Variants in EEFSEC observed in about 807,000 individuals in gnomAD.
The protein encoded by EEFSEC is eukaryotic elongation factor, selenocysteine-tRNA specific.
In EEFSEC, 43 loss-of-function variants were observed where a neutral mutation model predicts 42.1. The ratio of observed to expected loss-of-function variants is 1.02; its 90% confidence interval spans 0.80 to 1.32. The LOEUF is 1.32. Ranked by LOEUF, EEFSEC falls within the 40% of genes most tolerant of loss-of-function variation. The pLI is 0.00. For missense variants in EEFSEC, 745 were observed against 803.6 expected, an observed-to-expected ratio of 0.93 and a Z score of 0.88; for synonymous variants, 354 against 339.1, an observed-to-expected ratio of 1.04 and a Z score of -0.48.
intron 6 of EEFSEC, among the ~76,000 whole-genome samples, chr3:128,369,803 T>G (rs2067632062): frequency 1.3e-5 from 2 of 152,232 alleles, no homozygotes; most frequent in African/African-American, 4.8e-5. Flanking sequence ...CTTCAACAAT[T>G]GCTCCGTGTT....
intron 4 of EEFSEC, among the ~76,000 whole-genome samples, chr3:128,289,883 C>A (rs957266434): frequency 6.6e-6 from 1 of 152,196 alleles, no homozygotes; most frequent in Non-Finnish European, 1.5e-5. Context: ...ATCCCATAAT[C>A]TTCTTTTGTG....
chr3:128,295,443 TC>T (rs2066692721), intron 4 of EEFSEC, among the ~76,000 whole-genome samples: 1 of 126,244 alleles, frequency 7.9e-6, no homozygotes, highest in African/African-American at 3.1e-5. Context: ...TTTCTGTACT[TC>T]CCCCTACTTT....
intron 5 of EEFSEC, among the ~76,000 whole-genome samples, chr3:128,347,839 G>T (rs1388769628): frequency 6.6e-6 from 1 of 152,076 alleles, no homozygotes; most frequent in African/African-American, 2.4e-5. Context: ...ATGATAGGGT[G>T]GCACTTCAGA....
In EEFSEC at chr3:128,370,733, C is replaced by G. The variant is rs147282446; in HGVS notation, c.1600+12360C>G. 2.6e-5 allele frequency among the ~76,000 whole-genome samples: 4 copies of G among 152,336 alleles called. No individual in the cohort carries two copies. In the South Asian group the frequency reaches 8.3e-4, roughly 32 times the overall value. The stretch of plus-strand genomic sequence containing the variant: ...TGAGCACAGAGGACTGGCTCTAGGC[C>G]CATCCCAGGGGGCACCGTTTGGGTG... On this transcript the variant is annotated intron_variant, in intron 6 of 6. Coordinates refer to ENST00000254730, the MANE Select transcript of EEFSEC (RefSeq NM_021937.5).
intron 6 of EEFSEC, among the ~76,000 whole-genome samples, chr3:128,375,474 G>A (rs2067698437): frequency 6.6e-6 from 1 of 152,206 alleles, no homozygotes; most frequent in Admixed American, 6.5e-5. Flanking sequence ...CATTTGGCAT[G>A]CTTCGCAGTC....
chr3:128,402,102 T>TG (rs2068055041), intron 6 of EEFSEC, among the ~76,000 whole-genome samples: 1 of 152,188 alleles, frequency 6.6e-6, no homozygotes. Flanking sequence ...GCCACAGTGA[T>TG]GGGGGGCCTG....
intron 6 of EEFSEC, chr3:128,362,244 C>T (rs368929159): frequency 2.3e-5 from 12 of 521,338 alleles, no homozygotes; most frequent in Admixed American, 5.9e-5. Flanking sequence ...GGCTGGATGG[C>T]GGGTGGGACA....
intron 6 of EEFSEC, among the ~76,000 whole-genome samples, chr3:128,388,001 G>A (rs890708323): frequency 1.3e-5 from 2 of 152,222 alleles, no homozygotes; most frequent in Admixed American, 6.5e-5. Flanking sequence ...GTAAGGTGCA[G>A]CCATTAGGGT....
chr3:128,241,201 C>CTTTTTTTTTTT (rs373420882), intron 1 of EEFSEC, among the ~76,000 whole-genome samples: 2 of 80,658 alleles, frequency 2.5e-5, no homozygotes, highest in Non-Finnish European at 2.2e-5. Context: ...CTCTCTCTCT[C>CTTTTTTTTTTT]TTTTTTTTTT....
At chr3:128,266,527 A>T (rs745395542) in intron 4 of EEFSEC, among the ~76,000 whole-genome samples, 34 of 151,928 alleles carry the variant, frequency 2.2e-4, no homozygotes, top group Non-Finnish European at 3.8e-4. Flanking sequence ...TGCAGGGGCC[A>T]GGGGTATTAG....
chr3:128,368,965 T>G (rs554418204), intron 6 of EEFSEC, among the ~76,000 whole-genome samples: 150 of 152,384 alleles, frequency 9.8e-4, no homozygotes, highest in African/African-American at 3.3e-3. Flanking sequence ...CCTGGATATC[T>G]GTATTTTTAC....
intron 4 of EEFSEC, among the ~76,000 whole-genome samples, chr3:128,335,655 C>T (rs1348371217): frequency 6.6e-6 from 1 of 152,160 alleles, no homozygotes; most frequent in Non-Finnish European, 1.5e-5. Context: ...GGAGGCAAAC[C>T]CCAGGGTCAC....
the EEFSEC span, among the ~76,000 whole-genome samples, chr3:128,413,809 C>T: frequency 6.6e-6 from 1 of 152,228 alleles, no homozygotes; most frequent in Admixed American, 6.5e-5. Flanking sequence ...ACATAGCCAC[C>T]ACCTGGCGGG....
At chr3:128,310,671 G>T (rs1427511311) in intron 4 of EEFSEC, among the ~76,000 whole-genome samples, 1 of 152,250 alleles carries the variant, frequency 6.6e-6, no homozygotes, top group Non-Finnish European at 1.5e-5. Context: ...TTACAAAATA[G>T]TATCCTTACC....
intron 1 of EEFSEC, among the ~76,000 whole-genome samples, chr3:128,192,346 C>T (rs925139086): frequency 9.9e-5 from 15 of 152,192 alleles, no homozygotes; most frequent in Admixed American, 1.3e-4. Flanking sequence ...TTTTTCTCTG[C>T]GTGCTTAGAG....
intron 4 of EEFSEC, among the ~76,000 whole-genome samples, chr3:128,295,110 C>T (rs1023332647): frequency 1.3e-5 from 2 of 152,186 alleles, no homozygotes; most frequent in Admixed American, 6.5e-5. Flanking sequence ...ATTTGGTCAT[C>T]CAGGCTCAGG....
chr3:128,301,844 A>G (rs2066772738), intron 4 of EEFSEC, among the ~76,000 whole-genome samples: 1 of 152,106 alleles, frequency 6.6e-6, no homozygotes, highest in Admixed American at 6.5e-5. Context: ...TCCTGGGAGA[A>G]AGAACTCCCA....
chr3:128,242,599 C>A (rs2066083580), intron 1 of EEFSEC, among the ~76,000 whole-genome samples: 1 of 152,078 alleles, frequency 6.6e-6, no homozygotes, highest in Admixed American at 6.5e-5. Flanking sequence ...TTTATTCCTT[C>A]AGTCCCAAAA....
intron 4 of EEFSEC, among the ~76,000 whole-genome samples, chr3:128,279,152 C>T (rs1474837491): frequency 6.6e-6 from 1 of 152,168 alleles, no homozygotes; most frequent in Non-Finnish European, 1.5e-5. Context: ...ACGGCGGCGG[C>T]GTTGGGCAGT....
Sources: allele counts gnomAD v4.1 joint callset (sites outside exome capture counted in the v4.1 genomes callset), GRCh38; gene constraint gnomAD v4.1.1; transcripts MANE v1.5; gene names NCBI Gene and HGNC (gene_info 2026-07-23, HGNC 2026-07-21).